Variants in DPP10 observed in about 807,000 individuals in gnomAD.
The protein encoded by DPP10 is inactive dipeptidyl peptidase 10.
A neutral mutation model predicts 120.9 loss-of-function variants in DPP10; 33 were observed. That is an observed-to-expected ratio of 0.27 (90% CI 0.21 to 0.37). The LOEUF (loss-of-function observed/expected upper bound fraction) is 0.37. DPP10 is among the 10% of genes least tolerant of loss of function. DPP10 has a pLI of 1.00. For missense variants in DPP10, 816 were observed against 942.8 expected (o/e 0.87, Z 1.76); for synonymous variants, 337 against 326.1 (o/e 1.03, Z -0.36).
rs144575009 is a variant in DPP10 at position 115,421,501 on chromosome 2, C to T, written c.271+77589C>T. On this transcript the variant is annotated intron_variant, in intron 3 of 25. Coordinates refer to ENST00000410059, the MANE Select transcript of DPP10 (RefSeq NM_020868.6). ...TTTATATTAATTTGTATCTATTAGA[C>T]TTAGGAAAATAGTATAAAAACAGGA... Among the ~76,000 whole-genome samples the T allele has an allele frequency of 1.3e-3, 197 of 152,112 alleles. 2 individuals carry two copies. The highest frequency in any genetic ancestry group is 0.011 in the East Asian group (58 of 5,168).
chr2:115,706,845 A>G (rs2092129158), intron 7 of DPP10, among the ~76,000 whole-genome samples: 1 of 151,998 alleles, frequency 6.6e-6, no homozygotes, highest in Admixed American at 6.6e-5. Context: ...GCATGCAGAT[A>G]ACTCCCCAAA....
At chr2:114,676,861 A>T (rs1698705449) in intron 1 of DPP10, among the ~76,000 whole-genome samples, 1 of 152,034 alleles carries the variant, frequency 6.6e-6, no homozygotes, top group East Asian at 1.9e-4. Flanking sequence ...ACTTCCCCAT[A>T]ATTGAATTCA....
intron 1 of DPP10, among the ~76,000 whole-genome samples, chr2:114,605,175 T>G (rs1173906414): frequency 6.6e-6 from 1 of 152,040 alleles, no homozygotes; most frequent in Admixed American, 6.6e-5. Flanking sequence ...CAGAGCTAGA[T>G]TAGTCAGACT....
At chr2:114,932,071 A>T (rs1208020692) in intron 1 of DPP10, among the ~76,000 whole-genome samples, 2 of 152,220 alleles carry the variant, frequency 1.3e-5, no homozygotes, top group African/African-American at 4.8e-5. Context: ...CTATTAAACA[A>T]TTTGTTGTTC....
intron 1 of DPP10, among the ~76,000 whole-genome samples, chr2:114,723,947 A>G (rs1383253851): frequency 6.6e-6 from 1 of 152,206 alleles, no homozygotes; most frequent in African/African-American, 2.4e-5. Flanking sequence ...GCACACCCAT[A>G]TAAAAGGATA....
At chr2:115,225,603 A>G (rs1345984357) in intron 1 of DPP10, among the ~76,000 whole-genome samples, 1 of 152,020 alleles carries the variant, frequency 6.6e-6, no homozygotes, top group Non-Finnish European at 1.5e-5. Flanking sequence ...ATGGGTAGTT[A>G]GGAATTAGAA....
intron 1 of DPP10, among the ~76,000 whole-genome samples, chr2:115,234,847 C>A (rs2057916934): frequency 6.6e-6 from 1 of 152,180 alleles, no homozygotes; most frequent in African/African-American, 2.4e-5. Context: ...CTTTTTGTTT[C>A]TATCACGGTC....
chr2:115,059,286 A>G (rs1294731988), intron 1 of DPP10, among the ~76,000 whole-genome samples: 1 of 152,178 alleles, frequency 6.6e-6, no homozygotes, highest in Admixed American at 6.5e-5. Flanking sequence ...GCAAGTTTTA[A>G]AGAGTCCCCC....
chr2:114,876,087 T>C (rs1558833417), intron 1 of DPP10, among the ~76,000 whole-genome samples: 1 of 152,012 alleles, frequency 6.6e-6, no homozygotes, highest in Non-Finnish European at 1.5e-5. Flanking sequence ...AAGCACTTTA[T>C]AAAGAAAAAT....
intron 19 of DPP10, among the ~76,000 whole-genome samples, chr2:115,808,615 G>A (rs1267120532): frequency 1.3e-5 from 2 of 152,164 alleles, no homozygotes; most frequent in African/African-American, 4.8e-5. Flanking sequence ...AGGCATAAGT[G>A]TCTAAAGCCA....
rs150901723 is a variant in DPP10 at position 115,722,121 on chromosome 2, A to G, written c.577-5695A>G. ...GGAGAAGGGAAAATGGGAAGTTACT[A>G]ATCAACCGACACAGAATTTCAGTTG... On this transcript the variant is annotated intron_variant, in intron 7 of 25. Coordinates refer to ENST00000410059, the MANE Select transcript of DPP10 (RefSeq NM_020868.6). Among the ~76,000 whole-genome samples, 5 of 152,168 alleles carry G rather than the reference A, an allele frequency of 3.3e-5. No individual in the cohort carries two copies. In the East Asian group the frequency reaches 9.7e-4, roughly 30 times the overall value.
chr2:115,698,622 T>A (rs1336871456), intron 7 of DPP10, among the ~76,000 whole-genome samples: 2 of 152,214 alleles, frequency 1.3e-5, no homozygotes, highest in Non-Finnish European at 2.9e-5. Context: ...TTTGTCTCTC[T>A]GTGCATACTC....
At chr2:114,965,981 A>G (rs575358988) in intron 1 of DPP10, among the ~76,000 whole-genome samples, 15,974 of 145,368 alleles carry the variant, frequency 0.11, 1,008 homozygotes, top group Non-Finnish European at 0.13. Context: ...AAAAAAAAAA[A>G]AAAAAAGAAA....
chr2:115,350,461 A>G (rs577872895), intron 3 of DPP10, among the ~76,000 whole-genome samples: 1 of 152,170 alleles, frequency 6.6e-6, no homozygotes, highest in South Asian at 2.1e-4. Flanking sequence ...CTAACTACGG[A>G]TATTCAAACT....
intron 1 of DPP10, among the ~76,000 whole-genome samples, chr2:114,473,976 GAGATAGAGT>G (rs1167307990): frequency 6.6e-6 from 1 of 152,256 alleles, no homozygotes; most frequent in East Asian, 1.9e-4. Context: ...TTGTTTTTCT[GAGATAGAGT>G]CTCTCTCTGT....
At chr2:115,241,097 C>T (rs926103709) in intron 1 of DPP10, among the ~76,000 whole-genome samples, 4 of 152,048 alleles carry the variant, frequency 2.6e-5, no homozygotes, top group African/African-American at 7.2e-5. Context: ...GGTAAAACCC[C>T]GCCACTACTA....
intron 19 of DPP10, among the ~76,000 whole-genome samples, chr2:115,794,132 A>C (rs1684288322): frequency 6.6e-6 from 1 of 152,192 alleles, no homozygotes; most frequent in Non-Finnish European, 1.5e-5. Flanking sequence ...CAATAGAGCG[A>C]CTATTATTTA....
chr2:115,801,466 C>T (rs62156332), intron 19 of DPP10, among the ~76,000 whole-genome samples: 12,241 of 152,204 alleles, frequency 0.08, 650 homozygotes, highest in Non-Finnish European at 0.12. Flanking sequence ...GAACTTCCAA[C>T]ACTATGTTGA....
intron 3 of DPP10, among the ~76,000 whole-genome samples, chr2:115,424,646 A>G (rs1223909294): frequency 1.3e-5 from 2 of 152,106 alleles, no homozygotes; most frequent in Admixed American, 6.6e-5. Context: ...TTTAAAATAT[A>G]TATAGATAAG....
Sources: allele counts gnomAD v4.1 joint callset (sites outside exome capture counted in the v4.1 genomes callset), GRCh38; gene constraint gnomAD v4.1.1; transcripts MANE v1.5; gene names NCBI Gene and HGNC (gene_info 2026-07-23, HGNC 2026-07-21).